Variants in CCSER1 observed in about 807,000 individuals in gnomAD.
CCSER1 encodes the protein serine-rich coiled-coil domain-containing protein 1.
CCSER1 carries 41 observed loss-of-function variants against 82.0 expected under a neutral mutation model. The ratio of observed to expected loss-of-function variants is 0.50; its 90% CI spans 0.39 to 0.65. The LOEUF (loss-of-function observed/expected upper bound fraction) is 0.65, where lower values mean the gene tolerates loss of function less well. Among genes scored for constraint, CCSER1 ranks in the 30% least tolerant of loss-of-function variants. CCSER1 has a pLI of 0.00. For synonymous variants in CCSER1, 414 were observed against 383.9 expected, an observed-to-expected ratio of 1.08 and a Z score of -0.92; for missense variants, 1,119 against 1,064.2, an observed-to-expected ratio of 1.05 and a Z score of -0.72.
chr4:90,299,014 G>C (rs1027175293), intron 1 of CCSER1, among the ~76,000 whole-genome samples: 1 of 151,608 alleles, frequency 6.6e-6, no homozygotes, highest in Non-Finnish European at 1.5e-5. Flanking sequence ...TGTTTCTTCT[G>C]GTCATTAAAA....
At chr4:90,930,561 C>T (rs762765477) in intron 9 of CCSER1, among the ~76,000 whole-genome samples, 5 of 151,298 alleles carry the variant, frequency 3.3e-5, no homozygotes, top group African/African-American at 7.3e-5. Flanking sequence ...TGCAGTGAGC[C>T]GAGATCGTGC....
chr4:91,559,768 T>A (rs1034908147), intron 10 of CCSER1, among the ~76,000 whole-genome samples: 2 of 150,156 alleles, frequency 1.3e-5, no homozygotes, highest in African/African-American at 2.4e-5. Flanking sequence ...ATTAGAAAAA[T>A]TATATTTATT....
At chr4:90,748,961 C>T (rs543469608) in intron 7 of CCSER1, among the ~76,000 whole-genome samples, 19 of 149,902 alleles carry the variant, frequency 1.3e-4, no homozygotes, top group East Asian at 9.9e-4. Flanking sequence ...GAGTAGGTTG[C>T]GAAAATTTTC....
intron 5 of CCSER1, among the ~76,000 whole-genome samples, chr4:90,614,111 A>G (rs1345626124): frequency 6.6e-6 from 1 of 151,928 alleles, no homozygotes; most frequent in Admixed American, 6.6e-5. Context: ...TTCACACAAG[A>G]TTTCAAACTT....
chr4:90,533,714 C>A (rs1774926528), intron 5 of CCSER1, among the ~76,000 whole-genome samples: 1 of 152,164 alleles, frequency 6.6e-6, no homozygotes, highest in Admixed American at 6.5e-5. Context: ...CTGTCATAGA[C>A]GTTACCTAGT....
At chr4:90,265,321 G>A (rs1387478424) in intron 1 of CCSER1, among the ~76,000 whole-genome samples, 1 of 151,568 alleles carries the variant, frequency 6.6e-6, no homozygotes, top group Admixed American at 6.6e-5. Flanking sequence ...ATATTTGTAT[G>A]TATATTATGT....
chr4:91,527,973 G>A (rs894689662), intron 10 of CCSER1, among the ~76,000 whole-genome samples: 1 of 152,106 alleles, frequency 6.6e-6, no homozygotes, highest in Non-Finnish European at 1.5e-5. Context: ...GGAGTGCAGT[G>A]TCGCGATCTC....
chr4:90,398,658 A>G (rs1269505482), intron 3 of CCSER1, among the ~76,000 whole-genome samples: 1 of 152,202 alleles, frequency 6.6e-6, no homozygotes, highest in African/African-American at 2.4e-5. Flanking sequence ...ATGTATATAG[A>G]TAAGTAGTTT....
intron 6 of CCSER1, among the ~76,000 whole-genome samples, chr4:90,652,838 GAA>G (rs1319217387): frequency 2.7e-5 from 1 of 36,400 alleles, no homozygotes; most frequent in African/African-American, 9.8e-5. Context: ...TGTCTTACTA[GAA>G]GAATCCAAGG....
intron 7 of CCSER1, among the ~76,000 whole-genome samples, chr4:90,757,738 T>C (rs1179491453): frequency 6.6e-6 from 1 of 152,138 alleles, no homozygotes; most frequent in African/African-American, 2.4e-5. Flanking sequence ...TGCTGGTGCT[T>C]CAAACTCAGT....
At chr4:91,214,137 C>T (rs1156814726) in intron 10 of CCSER1, among the ~76,000 whole-genome samples, 1 of 152,174 alleles carries the variant, frequency 6.6e-6, no homozygotes, top group African/African-American at 2.4e-5. Context: ...TAAAGAAGAG[C>T]AGGTAACAAG....
intron 1 of CCSER1, among the ~76,000 whole-genome samples, chr4:90,297,270 T>C (rs1226517312): frequency 2.7e-5 from 4 of 148,886 alleles, no homozygotes; most frequent in African/African-American, 1.0e-4. Flanking sequence ...GAATGGGAGT[T>C]CACTCATGAT....
chr4:90,746,444 A>T (rs979765933), intron 7 of CCSER1, among the ~76,000 whole-genome samples: 1 of 152,186 alleles, frequency 6.6e-6, no homozygotes, highest in Non-Finnish European at 1.5e-5. Flanking sequence ...AACAAATCCT[A>T]TCAAGCTATA....
intron 7 of CCSER1, among the ~76,000 whole-genome samples, chr4:90,805,026 T>G (rs887049296): frequency 2.0e-5 from 3 of 152,124 alleles, no homozygotes; most frequent in East Asian, 1.9e-4. Context: ...TTTAAAAAAT[T>G]TACTGTATGC....
chr4:91,501,021 T>G (rs1759180120), intron 10 of CCSER1, among the ~76,000 whole-genome samples: 3 of 151,866 alleles, frequency 2.0e-5, no homozygotes, highest in Admixed American at 2.0e-4. Flanking sequence ...TAATGATATA[T>G]TAAATGCCCT....
intron 10 of CCSER1, among the ~76,000 whole-genome samples, chr4:91,218,138 C>G (rs1020036978): frequency 6.6e-6 from 1 of 152,220 alleles, no homozygotes; most frequent in Non-Finnish European, 1.5e-5. Context: ...TAAGGCCCAG[C>G]GAGAAATCGA....
chr4:91,042,601 C>T (rs1375446658), intron 9 of CCSER1, among the ~76,000 whole-genome samples: 1 of 152,092 alleles, frequency 6.6e-6, no homozygotes, highest in African/African-American at 2.4e-5. Context: ...CATAATCTTC[C>T]ATCTAAAATC....
At chr4:90,551,706 C>CTCTATATATATATATATATATATATA in intron 5 of CCSER1, among the ~76,000 whole-genome samples, 4 of 104,224 alleles carry the variant, frequency 3.8e-5, no homozygotes, top group African/African-American at 1.8e-4. Context: ...CTCTCTCTCT[C>CTCTATATATATATATATATATATATA]TATATATATA....
At chr4:90,390,748 AC>A (rs1407543637) in intron 3 of CCSER1, among the ~76,000 whole-genome samples, 1 of 152,204 alleles carries the variant, frequency 6.6e-6, no homozygotes, top group Non-Finnish European at 1.5e-5. Flanking sequence ...TAACATAGAT[AC>A]AAGTGTATAT....
Sources: allele counts gnomAD v4.1 joint callset (sites outside exome capture counted in the v4.1 genomes callset), GRCh38; gene constraint gnomAD v4.1.1; transcripts MANE v1.5; gene names NCBI Gene and HGNC (gene_info 2026-07-23, HGNC 2026-07-21).